Variants in COL28A1 observed in about 807,000 individuals in gnomAD.
COL28A1 encodes collagen type XXVIII alpha 1 chain.
In COL28A1, 161 loss-of-function variants were observed where a neutral mutation model predicts 150.2. The ratio of observed to expected loss-of-function variants is 1.07; its 90% CI spans 0.94 to 1.22. The LOEUF (loss-of-function observed/expected upper bound fraction) is 1.22, where lower values mean the gene tolerates loss of function less well. COL28A1 is among the 50% of genes most tolerant of loss of function. The probability of loss-of-function intolerance (pLI) is 0.00; values close to 1 mark genes in which losing one functional copy is unlikely to be tolerated. For synonymous variants in COL28A1, 552 were observed against 469.7 expected (o/e 1.18, Z -2.26); for missense variants, 1,617 against 1,388.3 (o/e 1.16, Z -2.62).
At chr7:7,450,559 G>A (rs563950710) in intron 18 of COL28A1, among the ~76,000 whole-genome samples, 155 of 152,256 alleles carry the variant, frequency 1.0e-3, no homozygotes, top group Admixed American at 2.5e-3. Flanking sequence ...GAACATCATC[G>A]CCTACTGCTA....
rs746774652 is a variant in COL28A1, at chr7:7,358,620, C to A, written c.*13G>T. 3.1e-6 allele frequency: 5 copies of A among 1,612,714 alleles called. No homozygotes were observed. The African/African-American group carries it at 6.7e-5, about 22-fold the overall frequency. On this transcript the variant is annotated 3_prime_UTR_variant, in exon 35 of 35. Coordinates refer to ENST00000399429, the MANE Select transcript of COL28A1 (RefSeq NM_001037763.3). ...GTTCTATGCTTTTGATAGAGACAGGCCAATTTACTTGCTCATCCTTGAATG... is the reference window on the plus strand; with the variant it reads ...GTTCTATGCTTTTGATAGAGACAGGACAATTTACTTGCTCATCCTTGAATG...
intron 27 of COL28A1, among the ~76,000 whole-genome samples, chr7:7,417,157 A>T (rs1239809768): frequency 6.6e-6 from 1 of 152,060 alleles, no homozygotes; most frequent in Non-Finnish European, 1.5e-5. Flanking sequence ...TTTAGATGCC[A>T]AATTTGTCTA....
intron 2 of COL28A1, 142 bp from the exon 3 acceptor site, chr7:7,532,046 G>T: frequency 1.8e-6 from 1 of 545,792 alleles, no homozygotes; most frequent in South Asian, 3.0e-5. Context: ...ACGTTGGACA[G>T]AAGGCTTCAA....
chr7:7,397,024 G>C (rs1562543939), intron 27 of COL28A1, among the ~76,000 whole-genome samples: 1 of 152,136 alleles, frequency 6.6e-6, no homozygotes, highest in Non-Finnish European at 1.5e-5. Flanking sequence ...AGATGCTGCT[G>C]ACATTAATAC....
chr7:7,466,298 C>T (rs534490083), intron 15 of COL28A1, among the ~76,000 whole-genome samples: 2,138 of 142,178 alleles, frequency 0.015, 81 homozygotes, highest in African/African-American at 0.054. Flanking sequence ...TCGAGAACTA[C>T]GTGAAGAATG....
intron 3 of COL28A1, among the ~76,000 whole-genome samples, chr7:7,526,305 C>G (rs904012380): frequency 1.3e-5 from 2 of 152,140 alleles, no homozygotes; most frequent in Non-Finnish European, 2.9e-5. Context: ...AATGGATCAG[C>G]AAATGAAATA....
At chr7:7,434,038 G>C (rs912464375) in intron 23 of COL28A1, among the ~76,000 whole-genome samples, 1 of 152,058 alleles carries the variant, frequency 6.6e-6, no homozygotes, top group East Asian at 1.9e-4. Context: ...TAATTGACTG[G>C]GAACAGGGGA....
chr7:7,359,040 C>A (rs1370944827), intron 34 of COL28A1, among the ~76,000 whole-genome samples: 44 of 152,058 alleles, frequency 2.9e-4, no homozygotes, highest in Admixed American at 2.9e-3. Flanking sequence ...AGTTTTTGAT[C>A]CTCATGAAAC....
intron 27 of COL28A1, among the ~76,000 whole-genome samples, chr7:7,394,434 G>C (rs1287147875): frequency 1.3e-5 from 2 of 152,204 alleles, no homozygotes; most frequent in East Asian, 1.9e-4. Flanking sequence ...TGATTTTATA[G>C]TATGGGAAAC....
At chr7:7,471,137 A>G (rs998753809) in intron 15 of COL28A1, among the ~76,000 whole-genome samples, 3 of 149,304 alleles carry the variant, frequency 2.0e-5, no homozygotes, top group Non-Finnish European at 3.0e-5. Flanking sequence ...AAAAAAAAAA[A>G]AAAAAAAGAA....
rs1449222878 is a variant in COL28A1, at chr7:7,517,654, C to T, written c.855+142G>A. ...TTTCCACTTCTAAGATCATATCTTT[C>T]TGATTGCCTTCTTGAGCCATCAAGA... On this transcript the variant is annotated intron_variant, in intron 7 of 34. Transcript: ENST00000399429. 1.7e-5 allele frequency: 20 copies of T among 1,168,608 alleles called. No individual in the cohort carries two copies. The Admixed American group carries it at 4.2e-4, about 25-fold the overall frequency. The allele number at this position is 1,168,608 out of a possible 1,614,324, so 72.4% of individuals were successfully genotyped here. A position where few individuals can be genotyped will look rare whatever the true frequency, so the allele number is the denominator to read the frequency against.
chr7:7,534,142 T>C (rs1364859193), intron 1 of COL28A1, among the ~76,000 whole-genome samples: 1 of 152,186 alleles, frequency 6.6e-6, no homozygotes, highest in Non-Finnish European at 1.5e-5. Flanking sequence ...GATGGCTTCA[T>C]GCCACAGTCT....
intron 18 of COL28A1, among the ~76,000 whole-genome samples, chr7:7,447,734 G>C (rs545918873): frequency 6.6e-6 from 1 of 152,146 alleles, no homozygotes; most frequent in Admixed American, 6.5e-5. Context: ...AAGCTGATTA[G>C]TGTCATGGAA....
At chr7:7,362,207 A>G (rs1375394187) in intron 33 of COL28A1, among the ~76,000 whole-genome samples, 2 of 152,016 alleles carry the variant, frequency 1.3e-5, no homozygotes, top group Non-Finnish European at 2.9e-5. Flanking sequence ...GTCATTCTTG[A>G]CAATTACCAG....
At chr7:7,404,078 C>T (rs73347183) in intron 27 of COL28A1, among the ~76,000 whole-genome samples, 2,234 of 152,100 alleles carry the variant, frequency 0.015, 60 homozygotes, top group African/African-American at 0.051. Context: ...GCACATCAAT[C>T]TTTTATTAGA....
chr7:7,505,973 G>A (rs1412724772), intron 11 of COL28A1, 41 bp downstream of exon 11: 1 of 935,760 alleles, frequency 1.1e-6, no homozygotes, highest in Admixed American at 1.7e-5. Context: ...CGCACTAGGG[G>A]AAAGGCACTC....
At position 7,456,457 on chromosome 7, in the gene COL28A1, G is replaced by C. The variant is rs964780813; in HGVS notation, c.1303-345C>G. Among the ~76,000 whole-genome samples the C allele has an allele frequency of 8.6e-5, 13 of 151,978 alleles. 1 individual carries two copies. Among genetic ancestry groups the C allele is most frequent in the Admixed American group, 7.9e-4 (12 of 15,254 alleles). On this transcript the variant is annotated intron_variant, in intron 15 of 34. Transcript: ENST00000399429. Reference sequence around the variant, plus strand: ...ATATTTAAAAGTAGAAAATTCATAGGATATAATAAAAATAGAATGAGAGAT... The same window carrying C: ...ATATTTAAAAGTAGAAAATTCATAGCATATAATAAAAATAGAATGAGAGAT...
At chr7:7,413,755 C>T (rs921908663) in intron 27 of COL28A1, among the ~76,000 whole-genome samples, 7 of 152,162 alleles carry the variant, frequency 4.6e-5, no homozygotes, top group African/African-American at 1.7e-4. Flanking sequence ...TATGTTTGAA[C>T]CATTATACAT....
chr7:7,387,003 C>A (rs181560435), intron 27 of COL28A1, among the ~76,000 whole-genome samples: 2 of 152,296 alleles, frequency 1.3e-5, no homozygotes, highest in Non-Finnish European at 1.5e-5. Context: ...CAAGACAGCT[C>A]CCTGGGGCCT....
Sources: allele counts gnomAD v4.1 joint callset (sites outside exome capture counted in the v4.1 genomes callset), GRCh38; gene constraint gnomAD v4.1.1; transcripts MANE v1.5; gene names NCBI Gene and HGNC (gene_info 2026-07-23, HGNC 2026-07-21).